Variants in CFD observed in about 807,000 individuals in gnomAD.
CFD encodes the protein C3 convertase activator.
In CFD, 24 loss-of-function variants were observed where a neutral mutation model predicts 21.1. The observed-to-expected ratio is 1.14, with a 90% CI of 0.82 to 1.60. The LOEUF (loss-of-function observed/expected upper bound fraction) is 1.60, where lower values mean the gene tolerates loss of function less well. Ranked by LOEUF, CFD falls within the 40% of genes most tolerant of loss-of-function variation. The pLI, the probability that CFD is intolerant of heterozygous loss-of-function variation, is 0.00. For synonymous variants in CFD, 242 were observed against 175.9 expected (o/e 1.38, Z -2.97); for missense variants, 535 against 383.3 (o/e 1.40, Z -3.31).
At chr19:861,565 T>A in intron 3 of CFD, 134 bp from the exon 4 acceptor site, 2 of 857,646 alleles carry the variant, frequency 2.3e-6, no homozygotes, top group Non-Finnish European at 3.4e-6. Context: ...CTAGCCTAAA[T>A]CTCTCCTGCT....
intron 1 of CFD, 35 bp from the exon 2 acceptor site, chr19:860,582 C>T (rs2035771966): frequency 1.4e-6 from 2 of 1,395,460 alleles, no homozygotes; most frequent in African/African-American, 1.5e-5. Context: ...GGGAGGAGTC[C>T]ACCCCGCGGC....
rs1420896365 is a variant in CFD at position 861,684 on chromosome 19, C to A, written c.358-15C>A. ...ACCCCCGCACCCCAACCCTGACGTCCGCCTCCACCCTCAGCTGTCGGAGAA... is the reference window on the plus strand; with the variant it reads ...ACCCCCGCACCCCAACCCTGACGTCAGCCTCCACCCTCAGCTGTCGGAGAA... On this transcript the variant is annotated splice_polypyrimidine_tract_variant and intron_variant, in intron 3 of 4. Transcript: ENST00000327726. The A allele has an allele frequency of 1.3e-6, 2 of 1,592,450 alleles. No individual in the cohort carries two copies. Among genetic ancestry groups the A allele is most frequent in the Admixed American group, 1.7e-5 (1 of 58,278 alleles).
In CFD at chr19:861,014, C is replaced by G. The variant is rs537724685; in HGVS notation, c.357+9C>G. 1.8e-5 allele frequency: 28 copies of G among 1,597,198 alleles called. No homozygotes were observed. The highest frequency in any genetic ancestry group is 1.6e-4 in the African/African-American group (12 of 74,868). On this transcript the variant is annotated intron_variant, in intron 3 of 4. Transcript: ENST00000327726. ...ACCTCCTGCTGCTACAGGTCGGCCC[C>G]GTGTAGCGCAGTCCCTCCTGCGGCG...
chr19:862,509 A>C (rs2145165601), intron 4 of CFD, among the ~76,000 whole-genome samples: 2 of 7,996 alleles, frequency 2.5e-4, no homozygotes, highest in Non-Finnish European at 2.5e-4. Flanking sequence ...GGGGCGGGGC[A>C]TGGGGACGGG....
chr19:860,137 G>T, intron 1 of CFD, among the ~76,000 whole-genome samples: 1 of 152,076 alleles, frequency 6.6e-6, no homozygotes, highest in Middle Eastern at 3.4e-3. Flanking sequence ...CCGCCCGAGG[G>T]TATCTGAGTT....
chr19:860,667 G>A lies in CFD; in HGVS notation c.106G>A (p.Ala36Thr), dbSNP rs781604476. Reference protein sequence around the residue: ...ILGGREAEAHARPYMASVQLN... With the variant: ...ILGGREAEAHTRPYMASVQLN... ...GGGCGGCAGAGAGGCCGAGGCGCACGCGCGGCCCTACATGGCGTCGGTGCA... is the reference window on the plus strand; with the variant it reads ...GGGCGGCAGAGAGGCCGAGGCGCACACGCGGCCCTACATGGCGTCGGTGCA... Residue 36 changes from alanine (A) to threonine (T), a missense_variant, in exon 2 of 5, where the codon GCG (alanine) becomes ACG (threonine). Ala to Thr is a moderately conservative substitution (Grantham distance 58, BLOSUM62 0). Transcript: ENST00000327726. 55 of 1,508,920 alleles carry A rather than the reference G, an allele frequency of 3.6e-5. No individual in the cohort carries two copies. The highest frequency in any genetic ancestry group is 4.8e-5 in the Non-Finnish European group (55 of 1,138,008). 93.5% of individuals were successfully genotyped at this position (1,508,920 alleles called of 1,614,324 possible). A position where few individuals can be genotyped will look rare whatever the true frequency, so the allele number is the denominator to read the frequency against.
rs1356125650 is a variant in CFD at position 863,148 on chromosome 19, G to A, written c.672G>A (p.Ser224=). 13 of 1,535,632 alleles carry A rather than the reference G, an allele frequency of 8.5e-6. No homozygotes were observed. The highest frequency in any genetic ancestry group is 4.9e-5 in the East Asian group (2 of 40,876). The change falls in exon 5 of 5, where the codon TCG becomes TCA. Residue 224 remains serine, a synonymous_variant. Coordinates refer to ENST00000327726, the MANE Select transcript of CFD (RefSeq NM_001928.4). ...GCGTGCTCGAGGGCGTGGTCACCTC[G>A]GGCTCGCGCGTTTGCGGCAACCGCA... ...CGGVLEGVVT[S]GSRVCGNRKK...
chr19:863,029 G>T (rs1429721499), intron 4 of CFD, 63 bp from the exon 5 acceptor site: 1 of 1,451,272 alleles, frequency 6.9e-7, no homozygotes, highest in Non-Finnish European at 9.1e-7. Flanking sequence ...AGGTGAGGGG[G>T]TCTAACACGT....
At position 860,645 on chromosome 19, in the gene CFD, C is replaced by A. The variant is rs977887834; in HGVS notation, c.84C>A (p.Gly28=). ...CAAPPRGRIL[G]GREAEAHARP... is the part of the protein sequence containing the mutation. ...CGCCGCCCCGTGGTCGGATCCTGGG[C>A]GGCAGAGAGGCCGAGGCGCACGCGC... The change falls in exon 2 of 5, where the codon GGC becomes GGA. Residue 28 remains glycine, a synonymous_variant. Transcript: ENST00000327726. 5 of 1,487,890 alleles carry A rather than the reference C, an allele frequency of 3.4e-6. No individual in the cohort carries two copies. The highest frequency in any genetic ancestry group is 1.5e-5 in the African/African-American group (1 of 68,254). 92.2% of individuals were successfully genotyped at this position (1,487,890 alleles called of 1,614,324 possible).
chr19:860,189 T>TTTTC (rs568854812), intron 1 of CFD, among the ~76,000 whole-genome samples: 5 of 149,958 alleles, frequency 3.3e-5, no homozygotes. Flanking sequence ...GGATTCTTTT[T>TTTTC]TTTCTTTCTT....
At position 861,753 on chromosome 19, in the gene CFD, G is replaced by A; in HGVS notation, c.412G>A (p.Val138Met). 1.2e-6 allele frequency: 2 copies of A among 1,605,610 alleles called. No individual in the cohort carries two copies. Among genetic ancestry groups the A allele is most frequent in the East Asian group, 2.2e-5 (1 of 44,626 alleles). Residue 138 changes from valine to methionine, a missense_variant, in exon 4 of 5, where the codon GTG becomes ATG. By Grantham distance (21) the Val-to-Met change is conservative. Coordinates refer to ENST00000327726, the MANE Select transcript of CFD (RefSeq NM_001928.4). Reference protein sequence around the residue: ...PAVRPLPWQRVDRDVAPGTLC... With the variant: ...PAVRPLPWQRMDRDVAPGTLC... The stretch of plus-strand genomic sequence containing the variant: ...TGTGCGCCCCCTGCCCTGGCAGCGC[G>A]TGGACCGCGACGTGGCACCGGGAAC...
In CFD at chr19:863,608, CAA is replaced by C. The variant is rs1005923420; in HGVS notation, c.*385_*386del. 3.7e-3 allele frequency: 405 copies of C among 110,476 alleles called. No homozygotes were observed. Among genetic ancestry groups the C allele is most frequent in the South Asian group, 0.012 (70 of 5,622 alleles). The allele number at this position is 110,476 out of a possible 1,614,324, so 6.8% of individuals were successfully genotyped here. ...CAGAGTGAAACCTTGTCTCTCTCTA[CAA>C]AAAAAAAAAAAAAATTCTGCGTGGT... On this transcript the variant is annotated 3_prime_UTR_variant, in exon 5 of 5. Coordinates refer to ENST00000327726, the MANE Select transcript of CFD (RefSeq NM_001928.4).
intron 1 of CFD, 88 bp downstream of exon 1, chr19:859,832 C>T (rs2035760511): frequency 1.0e-6 from 1 of 991,120 alleles, no homozygotes; most frequent in Admixed American, 2.0e-5. Context: ...TCCAGCCCCT[C>T]CAGGTGGGCA....
rs757371304 is a variant in CFD at position 860,988 on chromosome 19, G to C, written c.340G>C (p.Asp114His). 4 of 1,598,718 alleles carry C rather than the reference G, an allele frequency of 2.5e-6. No individual in the cohort carries two copies. In the South Asian group the frequency reaches 4.4e-5, roughly 18 times the overall value. Reference sequence around the variant, plus strand: ...CAGCCAGCCCGACACCATCGACCACGACCTCCTGCTGCTACAGGTCGGCCC... The same window carrying C: ...CAGCCAGCCCGACACCATCGACCACCACCTCCTGCTGCTACAGGTCGGCCC... ...PDSQPDTIDH[D>H]LLLLQLSEKA... The change falls in exon 3 of 5, where the codon GAC (aspartate) becomes CAC (histidine). Residue 114 changes from aspartate (D) to histidine (H), a missense_variant. Coordinates refer to ENST00000327726, the MANE Select transcript of CFD (RefSeq NM_001928.4).
Position 860,878 on chromosome 19 carries a change from A to G in CFD, c.230A>G (p.Gln77Arg). The change falls in exon 3 of 5, where the codon CAG becomes CGG. Residue 77 changes from glutamine to arginine, a missense_variant. By Grantham distance (43) the Gln-to-Arg change is conservative. Coordinates refer to ENST00000327726, the MANE Select transcript of CFD (RefSeq NM_001928.4). ...CLEDAADGKV[Q>R]VLLGAHSLSQ... ...GTCCCCAGGGCCGACGGGAAGGTGC[A>G]GGTTCTCCTGGGCGCGCACTCCCTG... 6.3e-7 allele frequency: 1 copy of G among 1,580,486 alleles called. No homozygotes were observed. Among genetic ancestry groups the G allele is most frequent in the Non-Finnish European group, 8.6e-7 (1 of 1,169,204 alleles).
At position 863,208 on chromosome 19, in the gene CFD, T is replaced by C. The variant is rs1032839492; in HGVS notation, c.732T>C (p.Tyr244=). 21 of 1,542,518 alleles carry C rather than the reference T, an allele frequency of 1.4e-5. No individual in the cohort carries two copies. The African/African-American group carries it at 2.4e-4, about 18-fold the overall frequency. The change falls in exon 5 of 5, where the codon TAT becomes TAC. Residue 244 remains tyrosine (Y), a synonymous_variant. Coordinates refer to ENST00000327726, the MANE Select transcript of CFD (RefSeq NM_001928.4). Reference sequence around the variant, plus strand: ...GGATCTACACCCGCGTGGCGAGCTATGCGGCCTGGATCGACAGCGTCCTGG... The same window carrying C: ...GGATCTACACCCGCGTGGCGAGCTACGCGGCCTGGATCGACAGCGTCCTGG... ...KPGIYTRVAS[Y]AAWIDSVLA is the part of the protein sequence containing the mutation.
Position 860,845 on chromosome 19 carries a change from T to A in CFD, c.213-16T>A. Reference sequence around the variant, plus strand: ...GAGTCGGCTGGCACCGACCGCGGACTCCGTCCGGTCCCCAGGGCCGACGGG... The same window carrying A: ...GAGTCGGCTGGCACCGACCGCGGACACCGTCCGGTCCCCAGGGCCGACGGG... On this transcript the variant is annotated splice_polypyrimidine_tract_variant and intron_variant, in intron 2 of 4. Transcript: ENST00000327726. The A allele has an allele frequency of 6.4e-7, 1 of 1,561,426 alleles. No individual in the cohort carries two copies. The highest frequency in any genetic ancestry group is 8.6e-7 in the Non-Finnish European group (1 of 1,160,150).
chr19:863,057 G>A (rs1007314716), intron 4 of CFD, 35 bp from the exon 5 acceptor site: 12 of 1,486,168 alleles, frequency 8.1e-6, no homozygotes, highest in Admixed American at 4.3e-5. Flanking sequence ...GGGTGGGCGC[G>A]GGCCGCCCCT....
Position 860,842 on chromosome 19 carries a change from GACTCCGTCC to G in CFD, c.213-18_213-10del. ...GGGGAGTCGGCTGGCACCGACCGCG[GACTCCGTCC>G]GGTCCCCAGGGCCGACGGGAAGGTG... On this transcript the variant is annotated splice_polypyrimidine_tract_variant and intron_variant, in intron 2 of 4. Coordinates refer to ENST00000327726, the MANE Select transcript of CFD (RefSeq NM_001928.4). 1 of 1,560,416 alleles carries G rather than the reference GACTCCGTCC, an allele frequency of 6.4e-7. No individual in the cohort carries two copies. The highest frequency in any genetic ancestry group is 8.6e-7 in the Non-Finnish European group (1 of 1,159,702).
Sources: allele counts gnomAD v4.1 joint callset (sites outside exome capture counted in the v4.1 genomes callset), GRCh38; gene constraint gnomAD v4.1.1; transcripts MANE v1.5; gene names NCBI Gene and HGNC (gene_info 2026-07-23, HGNC 2026-07-21).